The following GRM5 variants were observed in gnomAD, a reference collection of about 807,000 sequenced individuals.
GRM5 encodes glutamate metabotropic receptor 5, also known as metabotropic glutamate receptor 5.
Under a neutral mutation model 83.1 loss-of-function variants are expected in GRM5, and 19 were observed. The observed-to-expected ratio is 0.23, with a 90% CI of 0.16 to 0.34. The LOEUF is 0.34. Among genes scored for constraint, GRM5 ranks in the 10% least tolerant of loss-of-function variants. GRM5 has a pLI of 1.00. For missense variants in GRM5, 1,160 were observed against 1,588.3 expected (o/e 0.73, Z 4.58); for synonymous variants, 675 against 633.6 (o/e 1.07, Z -0.98).
chr11:88,988,430 C>A, intron 2 of GRM5, among the ~76,000 whole-genome samples: 1 of 151,896 alleles, frequency 6.6e-6, no homozygotes, highest in Non-Finnish European at 1.5e-5. Context: ...AGTTGGAAAA[C>A]ACTCTGCAGG....
At chr11:88,913,639 T>G (rs1299669586) in intron 2 of GRM5, among the ~76,000 whole-genome samples, 1 of 144,882 alleles carries the variant, frequency 6.9e-6, no homozygotes, top group East Asian at 2.1e-4. Flanking sequence ...CAGGCTGGAG[T>G]GCAGTGGCAC....
Position 88,604,744 on chromosome 11 carries a change from G to T in GRM5, c.1368C>A (p.Phe456Leu). 2 of 1,611,768 alleles carry T rather than the reference G, an allele frequency of 1.2e-6. No homozygotes were observed. The highest frequency in any genetic ancestry group is 1.1e-5 in the South Asian group (1 of 91,018). The change falls in exon 5 of 10, where the codon TTC becomes TTA. Residue 456 changes from phenylalanine (F) to leucine (L), a missense_variant. This residue lies in a region of GRM5 where 132 missense variants were observed against 197.6 expected (regional missense o/e 0.67). Transcript: ENST00000305447. ...FTGVSGDTIL[F>L]DENGDSPGRY... Reference sequence around the variant, plus strand: ...TTCCTGGAGAGTCTCCATTCTCATCGAATAGGATCGTATCTCCAGAAACCC... The same window carrying T: ...TTCCTGGAGAGTCTCCATTCTCATCTAATAGGATCGTATCTCCAGAAACCC...
chr11:88,727,523 T>A (rs1410094655), intron 3 of GRM5, among the ~76,000 whole-genome samples: 2 of 152,186 alleles, frequency 1.3e-5, no homozygotes, highest in East Asian at 1.9e-4. Context: ...AACTCAGCTC[T>A]GGACCAAGCG....
intron 1 of GRM5, among the ~76,000 whole-genome samples, chr11:89,060,106 A>T (rs912418537): frequency 6.6e-6 from 1 of 152,094 alleles, no homozygotes; most frequent in East Asian, 1.9e-4. Context: ...ACAGTAAAAT[A>T]ATCCCATAAT....
At chr11:89,038,011 A>T (rs1269819378) in intron 2 of GRM5, among the ~76,000 whole-genome samples, 1 of 152,128 alleles carries the variant, frequency 6.6e-6, no homozygotes, top group Non-Finnish European at 1.5e-5. Flanking sequence ...TTTATATTTT[A>T]CTCTAGTCTA....
intron 7 of GRM5, among the ~76,000 whole-genome samples, chr11:88,585,503 G>A (rs1310109126): frequency 6.6e-6 from 1 of 152,068 alleles, no homozygotes; most frequent in Non-Finnish European, 1.5e-5. Flanking sequence ...CTCCCCAAAA[G>A]GTGGCCTTTG....
In GRM5 at chr11:88,589,088, T is replaced by C. The variant is rs181536374; in HGVS notation, c.1690+1513A>G. ...CTTAGCCATGCAAGTTAGTTGACGA[T>C]GCAAGACAGTTTTTTATTTTCACAA... On this transcript the variant is annotated intron_variant, in intron 7 of 9. Transcript: ENST00000305447. Among the ~76,000 whole-genome samples, 109 of 152,288 alleles carry C rather than the reference T, an allele frequency of 7.2e-4. 1 individual carries two copies. Among genetic ancestry groups the C allele is most frequent in the Non-Finnish European group, 1.3e-3 (90 of 68,004 alleles).
intron 2 of GRM5, among the ~76,000 whole-genome samples, chr11:88,941,503 AGAGGAGG>A (rs1938103867): frequency 1.7e-5 from 1 of 59,634 alleles, no homozygotes; most frequent in African/African-American, 4.9e-5. Context: ...AGAGGAGGGG[AGAGGAGG>A]GGAGAGGAGA....
intron 2 of GRM5, among the ~76,000 whole-genome samples, chr11:88,854,058 G>GTGTATATATATATATATATATA (rs1555027663): frequency 4.9e-5 from 6 of 121,214 alleles, no homozygotes; most frequent in African/African-American, 1.5e-4. Context: ...AAAATGTGGT[G>GTGTATATATATATATATATATA]TATATATATA....
At chr11:88,715,882 C>G (rs1046334188) in intron 3 of GRM5, among the ~76,000 whole-genome samples, 8 of 151,778 alleles carry the variant, frequency 5.3e-5, no homozygotes, top group Non-Finnish European at 1.2e-4. Flanking sequence ...CTGAAAGAAC[C>G]GAATTAGACT....
At chr11:88,641,518 C>T (rs959144652) in intron 4 of GRM5, among the ~76,000 whole-genome samples, 2 of 152,132 alleles carry the variant, frequency 1.3e-5, no homozygotes, top group African/African-American at 2.4e-5. Context: ...TCCAATACCT[C>T]ATCTCAGACA....
chr11:88,868,852 C>T (rs533242031), intron 2 of GRM5, among the ~76,000 whole-genome samples: 2 of 151,836 alleles, frequency 1.3e-5, no homozygotes, highest in South Asian at 2.1e-4. Context: ...AATCAGGGAT[C>T]TTAATAGCTA....
chr11:88,769,683 A>C (rs1357299142), intron 3 of GRM5, among the ~76,000 whole-genome samples: 1 of 152,094 alleles, frequency 6.6e-6, no homozygotes, highest in Admixed American at 6.6e-5. Flanking sequence ...AAAGATTGAC[A>C]ATTTGAGCAG....
At chr11:89,063,847 C>T (rs1289633412) in intron 1 of GRM5, among the ~76,000 whole-genome samples, 1 of 152,206 alleles carries the variant, frequency 6.6e-6, no homozygotes, top group African/African-American at 2.4e-5. Flanking sequence ...GGTAGACCAG[C>T]TCTGTCAACA....
At chr11:88,648,949 TTTATTCTA>T (rs1939546121) in intron 4 of GRM5, among the ~76,000 whole-genome samples, 1 of 147,950 alleles carries the variant, frequency 6.8e-6, no homozygotes, top group African/African-American at 2.6e-5. Flanking sequence ...GATGCAATTC[TTTATTCTA>T]CAGGCTTAAG....
chr11:88,756,251 A>G lies in GRM5; in HGVS notation c.911+93655T>C, dbSNP rs191194162. Among the ~76,000 whole-genome samples, 132 of 152,322 alleles carry G rather than the reference A, an allele frequency of 8.7e-4. 1 individual carries two copies. Among genetic ancestry groups the G allele is most frequent in the Admixed American group, 7.7e-3 (117 of 15,292 alleles). ...TGAGTGGTCATAAATGGAAGAGATCATATAAATCATGTATTTCAATACTCA... is the reference window on the plus strand; with the variant it reads ...TGAGTGGTCATAAATGGAAGAGATCGTATAAATCATGTATTTCAATACTCA... On this transcript the variant is annotated intron_variant, in intron 3 of 9. Coordinates refer to ENST00000305447, the MANE Select transcript of GRM5 (RefSeq NM_001143831.3).
chr11:88,522,770 G>A (rs1197693882), intron 9 of GRM5: 2 of 152,066 alleles, frequency 1.3e-5, no homozygotes, highest in East Asian at 1.9e-4. Flanking sequence ...TGTATTTATA[G>A]TAGTATGCAT....
chr11:88,710,010 C>G (rs1255302909), intron 3 of GRM5, among the ~76,000 whole-genome samples: 1 of 152,060 alleles, frequency 6.6e-6, no homozygotes. Flanking sequence ...AGGGAAAATG[C>G]TGGGTATTCG....
chr11:88,518,070 A>G (rs1226386012), intron 9 of GRM5, among the ~76,000 whole-genome samples: 1 of 152,024 alleles, frequency 6.6e-6, no homozygotes, highest in Non-Finnish European at 1.5e-5. Flanking sequence ...TGAGAGAGTC[A>G]TAGAATTCAA....
Sources: allele counts gnomAD v4.1 joint callset (sites outside exome capture counted in the v4.1 genomes callset), GRCh38; gene constraint gnomAD v4.1.1; regional missense constraint gnomAD v4.1.1; transcripts MANE v1.5; gene names NCBI Gene and HGNC (gene_info 2026-07-23, HGNC 2026-07-21).